Variants in IQCM observed in about 807,000 individuals in gnomAD.
IQCM encodes the protein IQ domain-containing protein M.
Under a neutral mutation model 57.6 loss-of-function variants are expected in IQCM, and 45 were observed. That is an observed-to-expected ratio of 0.78 (90% CI 0.62 to 1.00). The LOEUF is 1.00. IQCM is among the 50% of genes least tolerant of loss of function. The pLI, the probability that IQCM is intolerant of heterozygous loss-of-function variation, is 0.00. For missense variants in IQCM, 468 were observed against 511.6 expected, an observed-to-expected ratio of 0.91 and a Z score of 0.82; for synonymous variants, 148 against 158.9, an observed-to-expected ratio of 0.93 and a Z score of 0.51.
intron 12 of IQCM, among the ~76,000 whole-genome samples, chr4:149,439,625 T>C (rs1735708379): frequency 2.6e-5 from 4 of 152,074 alleles, no homozygotes; most frequent in Admixed American, 2.6e-4. Flanking sequence ...TATCTCAAAT[T>C]ATTAAAGTGA....
intron 5 of IQCM, among the ~76,000 whole-genome samples, chr4:149,687,062 T>C (rs1762592230): frequency 6.6e-6 from 1 of 151,636 alleles, no homozygotes; most frequent in South Asian, 2.1e-4. Flanking sequence ...GACCAATATA[T>C]AGTTTGAAAT....
chr4:149,806,342 T>C (rs1774078799), intron 2 of IQCM, among the ~76,000 whole-genome samples: 1 of 151,932 alleles, frequency 6.6e-6, no homozygotes, highest in African/African-American at 2.4e-5. Context: ...ATTACACTTA[T>C]TCTATTTTGG....
rs538775491 is a variant in IQCM at position 149,372,367 on chromosome 4, T to C, written c.1391-20301A>G. Among the ~76,000 whole-genome samples the C allele has an allele frequency of 3.8e-4, 58 of 152,270 alleles. 2 individuals carry two copies. In the South Asian group the frequency reaches 0.012, roughly 31 times the overall value. ...AAAAATAAGTGTTTAATATAAGGTG[T>C]TCCATGAATTTTAGAATAAAAGAAA... On this transcript the variant is annotated intron_variant, in intron 13 of 13. Transcript: ENST00000636793.
chr4:149,401,014 TAA>T (rs1732583219), intron 13 of IQCM, among the ~76,000 whole-genome samples: 2 of 151,928 alleles, frequency 1.3e-5, no homozygotes, highest in South Asian at 2.1e-4. Flanking sequence ...CAGCAATTCC[TAA>T]AAGAGTGTCT....
chr4:149,701,839 T>A (rs944471641), intron 5 of IQCM, among the ~76,000 whole-genome samples: 2 of 152,062 alleles, frequency 1.3e-5, no homozygotes, highest in African/African-American at 2.4e-5. Flanking sequence ...GTTTTACAGA[T>A]GTATGGATGA....
chr4:149,435,502 T>G (rs1735269496), intron 12 of IQCM, among the ~76,000 whole-genome samples: 1 of 152,056 alleles, frequency 6.6e-6, no homozygotes, highest in Non-Finnish European at 1.5e-5. Context: ...CATAAATGGC[T>G]GTTAGTGGTT....
At chr4:149,400,227 TG>T (rs1476004493) in intron 13 of IQCM, among the ~76,000 whole-genome samples, 1 of 151,984 alleles carries the variant, frequency 6.6e-6, no homozygotes, top group Non-Finnish European at 1.5e-5. Context: ...TTTGGGTTTT[TG>T]TTTTTTCTTT....
chr4:149,496,977 T>A (rs1487062502), intron 12 of IQCM, among the ~76,000 whole-genome samples: 1 of 152,072 alleles, frequency 6.6e-6, no homozygotes, highest in Non-Finnish European at 1.5e-5. Context: ...ATAAGTGTAA[T>A]AAAATATTTT....
intron 13 of IQCM, among the ~76,000 whole-genome samples, chr4:149,428,948 G>A (rs1734637623): frequency 6.6e-6 from 1 of 151,854 alleles, no homozygotes; most frequent in Non-Finnish European, 1.5e-5. Flanking sequence ...GAACTAATGA[G>A]AAACTTGACA....
chr4:149,375,149 C>T (rs1455252870), intron 13 of IQCM, among the ~76,000 whole-genome samples: 1 of 152,032 alleles, frequency 6.6e-6, no homozygotes, highest in Non-Finnish European at 1.5e-5. Context: ...TACTCAGCTG[C>T]AAACTAAAAT....
chr4:149,589,300 C>A (rs1310802069), intron 8 of IQCM, among the ~76,000 whole-genome samples: 1 of 151,906 alleles, frequency 6.6e-6, no homozygotes, highest in Admixed American at 6.6e-5. Flanking sequence ...ATTTATTGGT[C>A]AGTGATATAT....
intron 12 of IQCM, among the ~76,000 whole-genome samples, chr4:149,526,138 A>G (rs901943666): frequency 2.0e-5 from 3 of 152,000 alleles, no homozygotes; most frequent in Non-Finnish European, 4.4e-5. Context: ...AATCAAAATT[A>G]AAAATATTTA....
intron 7 of IQCM, among the ~76,000 whole-genome samples, chr4:149,678,384 G>A (rs1406095492): frequency 6.6e-6 from 1 of 151,820 alleles, no homozygotes; most frequent in Non-Finnish European, 1.5e-5. Flanking sequence ...CATTTTCAAA[G>A]TGCTGAAACA....
intron 2 of IQCM, among the ~76,000 whole-genome samples, chr4:149,798,696 A>C (rs781047931): frequency 6.6e-6 from 1 of 152,090 alleles, no homozygotes; most frequent in Non-Finnish European, 1.5e-5. Flanking sequence ...AGGAGTCACT[A>C]TACTTATATC....
intron 2 of IQCM, among the ~76,000 whole-genome samples, chr4:149,762,311 G>T (rs1031657039): frequency 7.9e-5 from 12 of 151,282 alleles, no homozygotes; most frequent in African/African-American, 2.9e-4. Flanking sequence ...AAAACCATTA[G>T]GGTAGCCAAA....
chr4:149,792,088 A>G (rs532244788), intron 2 of IQCM, among the ~76,000 whole-genome samples: 1 of 152,128 alleles, frequency 6.6e-6, no homozygotes, highest in Non-Finnish European at 1.5e-5. Flanking sequence ...CCATAAGTCT[A>G]TGGAAATTGC....
intron 9 of IQCM, among the ~76,000 whole-genome samples, chr4:149,564,336 T>A (rs1750408050): frequency 6.6e-6 from 1 of 152,186 alleles, no homozygotes. Context: ...ATTGAGAGTC[T>A]CTGTACTATG....
chr4:149,558,831 A>G (rs1749841243), intron 10 of IQCM, among the ~76,000 whole-genome samples: 1 of 152,204 alleles, frequency 6.6e-6, no homozygotes, highest in Non-Finnish European at 1.5e-5. Flanking sequence ...AAGTCTTTCT[A>G]TATGGCCCAA....
chr4:149,681,457 A>G (rs1762170901), intron 7 of IQCM, among the ~76,000 whole-genome samples: 1 of 151,268 alleles, frequency 6.6e-6, no homozygotes, highest in Admixed American at 6.6e-5. Flanking sequence ...TTTGTTTGGA[A>G]GTGAGCTTCC....
Sources: allele counts gnomAD v4.1 joint callset (sites outside exome capture counted in the v4.1 genomes callset), GRCh38; gene constraint gnomAD v4.1.1; transcripts MANE v1.5; gene names NCBI Gene and HGNC (gene_info 2026-07-23, HGNC 2026-07-21).